Variants in BRD3 observed in about 807,000 individuals in gnomAD.
BRD3 encodes bromodomain containing 3.
In BRD3, 17 loss-of-function variants were observed where a neutral mutation model predicts 66.8. That is an observed-to-expected ratio of 0.25 (90% CI 0.17 to 0.38). BRD3 has a LOEUF of 0.38. Ranked by LOEUF, BRD3 falls within the 10% of genes least tolerant of loss-of-function variation. The pLI, the probability that BRD3 is intolerant of heterozygous loss-of-function variation, is 1.00. For synonymous variants in BRD3, 421 were observed against 393.2 expected, an observed-to-expected ratio of 1.07 and a Z score of -0.84; for missense variants, 713 against 956.1, an observed-to-expected ratio of 0.75 and a Z score of 3.35.
chr9:134,068,453 A>G (rs1359579285), upstream of BRD3: 2 of 149,592 alleles, frequency 1.3e-5, no homozygotes, highest in Non-Finnish European at 3.0e-5. Flanking sequence ...GCCACCCTCG[A>G]ACCCCGGCCG....
intron 6 of BRD3, 141 bp downstream of exon 6, chr9:134,047,942 G>T: frequency 8.2e-7 from 1 of 1,217,458 alleles, no homozygotes; most frequent in Non-Finnish European, 1.1e-6. Context: ...CGGCGCTGCG[G>T]GGGCCAGCCT....
At position 134,053,247 on chromosome 9, in the gene BRD3, G is replaced by T. The variant is rs1416737134; in HGVS notation, c.213+18C>A. 1 of 1,612,828 alleles carries T rather than the reference G, an allele frequency of 6.2e-7. No homozygotes were observed. The highest frequency in any genetic ancestry group is 8.5e-7 in the Non-Finnish European group (1 of 1,179,822). The stretch of plus-strand genomic sequence containing the variant: ...GCAGCAGCAGAACGTGGCTCTTGGG[G>T]AGGCAGCAGCTACGCACCGGCAGGT... On this transcript the variant is annotated intron_variant, in intron 2 of 11. Transcript: ENST00000303407.
chr9:134,064,268 C>T (rs1454456743), intron 1 of BRD3, among the ~76,000 whole-genome samples: 3 of 152,030 alleles, frequency 2.0e-5, no homozygotes, highest in Admixed American at 6.6e-5. Context: ...TGGCTCACAC[C>T]TGTAATCTCA....
chr9:134,063,486 C>T (rs1564562062), intron 1 of BRD3, among the ~76,000 whole-genome samples: 1 of 152,174 alleles, frequency 6.6e-6, no homozygotes, highest in Admixed American at 6.5e-5. Context: ...GCTCCAGTGA[C>T]GCATGGCACA....
chr9:134,036,230 G>A lies in BRD3; in HGVS notation c.1738C>T (p.Leu580Phe). Residue 580 changes from leucine (L) to phenylalanine (F), a missense_variant, in exon 10 of 12, where the codon CTT becomes TTT. By Grantham distance (22) the Leu-to-Phe change is conservative. Transcript: ENST00000303407. ...LPMSYDEKRQ[L>F]SLDINRLPGE... The stretch of plus-strand genomic sequence containing the variant: ...GGCAGCCGGTTGATGTCCAGGCTAA[G>A]CTGGCGCTTTTCATCGTAGCTCATG... 6.2e-7 allele frequency: 1 copy of A among 1,614,224 alleles called. No homozygotes were observed. The highest frequency in any genetic ancestry group is 8.5e-7 in the Non-Finnish European group (1 of 1,180,038).
chr9:134,047,713 C>A (rs983253098), intron 6 of BRD3, among the ~76,000 whole-genome samples: 1 of 152,186 alleles, frequency 6.6e-6, no homozygotes, highest in African/African-American at 2.4e-5. Flanking sequence ...CGCCTGTATC[C>A]GGGGCTTGAG....
intron 8 of BRD3, among the ~76,000 whole-genome samples, chr9:134,040,782 T>C (rs1181203818): frequency 6.6e-6 from 1 of 152,236 alleles, no homozygotes; most frequent in African/African-American, 2.4e-5. Flanking sequence ...CAGTGATTTC[T>C]GGGAAGCCAT....
At chr9:134,047,875 G>T in intron 6 of BRD3, 1 of 590,536 alleles carries the variant, frequency 1.7e-6, no homozygotes, top group Non-Finnish European at 2.8e-6. Context: ...CAGAGCCACA[G>T]ACTCCGGGAC....
chr9:134,038,241 ACCTC>A (rs923916849), intron 9 of BRD3, among the ~76,000 whole-genome samples: 5 of 150,312 alleles, frequency 3.3e-5, no homozygotes, highest in Non-Finnish European at 7.4e-5. Context: ...TGCAACCTCT[ACCTC>A]CCGGGTTCAA....
intron 9 of BRD3, among the ~76,000 whole-genome samples, chr9:134,038,380 A>G (rs1829973478): frequency 3.3e-5 from 5 of 152,172 alleles, no homozygotes; most frequent in Admixed American, 1.3e-4. Flanking sequence ...TTCTGGGATT[A>G]CAGGTGTGAG....
At chr9:134,066,731 C>T (rs953325437) in intron 1 of BRD3, among the ~76,000 whole-genome samples, 2 of 152,240 alleles carry the variant, frequency 1.3e-5, no homozygotes, top group Non-Finnish European at 2.9e-5. Flanking sequence ...TTACTCTGCC[C>T]ACCAATGCAC....
rs1214984322 is a variant in BRD3, at chr9:134,031,562, CTT to C, written c.*2026_*2027del. 2.4e-5 allele frequency: 5 copies of C among 204,792 alleles called. No homozygotes were observed. The highest frequency in any genetic ancestry group is 6.9e-5 in the African/African-American group (3 of 43,678). The allele number at this position is 204,792 out of a possible 1,614,324, so 12.7% of individuals were successfully genotyped here. On this transcript the variant is annotated 3_prime_UTR_variant, in exon 12 of 12. Transcript: ENST00000303407. The stretch of plus-strand genomic sequence containing the variant: ...ATTTATATTTTTATTATAAACAAAA[CTT>C]AATTAAAAGTTTAACAAACTGGCTG...
chr9:134,048,587 G>A (rs547430845), intron 5 of BRD3, 133 bp from the exon 6 acceptor site: 2 of 1,370,962 alleles, frequency 1.5e-6, no homozygotes, highest in African/African-American at 2.9e-5. Flanking sequence ...GGCCCCACAG[G>A]AGAGGACACC....
chr9:134,059,699 A>T (rs1830498087), intron 1 of BRD3, among the ~76,000 whole-genome samples: 1 of 152,154 alleles, frequency 6.6e-6, no homozygotes, highest in African/African-American at 2.4e-5. Context: ...AGGGTCTGTG[A>T]GCATGTACAG....
intron 1 of BRD3, among the ~76,000 whole-genome samples, chr9:134,060,861 C>T (rs1037651785): frequency 6.6e-6 from 1 of 152,192 alleles, no homozygotes; most frequent in Non-Finnish European, 1.5e-5. Flanking sequence ...CCCCCTGAAC[C>T]CTTCCCAAGG....
At chr9:134,066,381 C>A (rs1432840792) in intron 1 of BRD3, among the ~76,000 whole-genome samples, 1 of 152,218 alleles carries the variant, frequency 6.6e-6, no homozygotes, top group Non-Finnish European at 1.5e-5. Context: ...GAGGCTGCAT[C>A]AGGGCTGCCA....
chr9:134,036,018 C>T lies in BRD3; in HGVS notation c.1936+14G>A, dbSNP rs764459759. ...GAGGAACTTCAAGCACCACGCTCCA[C>T]GCAGGCAACTTACAGAACGGTTTCC... On this transcript the variant is annotated intron_variant, in intron 10 of 11. Transcript: ENST00000303407. The T allele has an allele frequency of 6.1e-5, 97 of 1,579,682 alleles. No individual in the cohort carries two copies. Among genetic ancestry groups the T allele is most frequent in the East Asian group, 1.1e-4 (5 of 44,592 alleles).
intron 7 of BRD3, among the ~76,000 whole-genome samples, chr9:134,042,292 C>T (rs1310158157): frequency 1.3e-5 from 2 of 152,168 alleles, no homozygotes; most frequent in African/African-American, 2.4e-5. Context: ...TGCTGTGAAA[C>T]GGGAAACAGT....
chr9:134,053,997 A>C, intron 1 of BRD3: 1 of 169,294 alleles, frequency 5.9e-6, no homozygotes, highest in Non-Finnish European at 1.3e-5. Flanking sequence ...CTTGGCCACA[A>C]CAATGTACTG....
Sources: allele counts gnomAD v4.1 joint callset (sites outside exome capture counted in the v4.1 genomes callset), GRCh38; gene constraint gnomAD v4.1.1; transcripts MANE v1.5; gene names NCBI Gene and HGNC (gene_info 2026-07-23, HGNC 2026-07-21).